GLI2: variants seen among roughly 807,000 people sequenced by gnomAD.
GLI2 encodes the protein transcription activator GLI2.
GLI2 carries 22 observed loss-of-function variants against 78.9 expected under a neutral mutation model. The observed-to-expected ratio is 0.28, with a 90% CI of 0.20 to 0.40. The LOEUF is 0.40. Ranked by LOEUF, GLI2 falls within the 10% of genes least tolerant of loss-of-function variation. The pLI is 1.00. For missense variants in GLI2, 2,097 were observed against 2,213.2 expected (o/e 0.95, Z 1.05); for synonymous variants, 974 against 963.7 (o/e 1.01, Z -0.20).
intron 2 of GLI2, among the ~76,000 whole-genome samples, chr2:120,835,676 G>T (rs1442809097): frequency 1.3e-5 from 2 of 152,098 alleles, no homozygotes; most frequent in African/African-American, 4.8e-5. Context: ...GTGAGCCACC[G>T]CATCGGCCCA....
intron 2 of GLI2, among the ~76,000 whole-genome samples, chr2:120,846,136 G>A (rs906055276): frequency 3.3e-5 from 5 of 152,164 alleles, no homozygotes; most frequent in African/African-American, 1.2e-4. Context: ...GATCTCCCCC[G>A]TCAGTCATTC....
In GLI2 at chr2:120,989,312, C is replaced by A; in HGVS notation, c.3347C>A (p.Ala1116Glu). Residue 1116 changes from alanine (A) to glutamate (E), a missense_variant, in exon 14 of 14, where the codon GCG becomes GAG. By Grantham distance (107) the Ala-to-Glu change is moderately radical (BLOSUM62 -1). This residue lies in a region of GLI2 where 1,290 missense variants were observed against 1,261.7 expected (regional missense o/e 1.02). Coordinates refer to ENST00000361492, the MANE Select transcript of GLI2 (RefSeq NM_001374353.1). The part of the protein sequence containing the change: ...MLGGCQLGFG[A>E]PSSLNKNNMP... Reference sequence around the variant, plus strand: ...GGAGGATGCCAGTTAGGCTTTGGGGCGCCCTCCAGCCTGAACAAAAATAAC... The same window carrying A: ...GGAGGATGCCAGTTAGGCTTTGGGGAGCCCTCCAGCCTGAACAAAAATAAC... 2 of 1,613,054 alleles carry A rather than the reference C, an allele frequency of 1.2e-6. No individual in the cohort carries two copies. The highest frequency in any genetic ancestry group is 1.7e-6 in the Non-Finnish European group (2 of 1,180,012).
chr2:120,823,785 C>T (rs938008332), intron 2 of GLI2, among the ~76,000 whole-genome samples: 6 of 152,118 alleles, frequency 3.9e-5, no homozygotes, highest in African/African-American at 1.2e-4. Context: ...GTGGCATGTG[C>T]GGAAGTGAAG....
intron 2 of GLI2, among the ~76,000 whole-genome samples, chr2:120,865,743 T>C (rs539378386): frequency 4.1e-4 from 62 of 152,332 alleles, no homozygotes; most frequent in African/African-American, 1.4e-3. Flanking sequence ...CTGACTCATC[T>C]CAAGGGCTGC....
intron 1 of GLI2, among the ~76,000 whole-genome samples, chr2:120,751,525 A>ATC (rs1682873673): frequency 6.6e-6 from 1 of 152,224 alleles, no homozygotes; most frequent in Non-Finnish European, 1.5e-5. Flanking sequence ...GCTTATATAT[A>ATC]AATACTCTGA....
At chr2:120,760,589 G>T (rs1353904796) in intron 1 of GLI2, among the ~76,000 whole-genome samples, 1 of 152,160 alleles carries the variant, frequency 6.6e-6, no homozygotes, top group Admixed American at 6.5e-5. Flanking sequence ...TGAGCTCCTT[G>T]GTCATTTGTC....
intron 1 of GLI2, among the ~76,000 whole-genome samples, chr2:120,788,461 G>A (rs781198105): frequency 2.6e-5 from 4 of 152,214 alleles, no homozygotes; most frequent in African/African-American, 4.8e-5. Flanking sequence ...GGAAACAAAC[G>A]AAGTCTTGAG....
intron 2 of GLI2, among the ~76,000 whole-genome samples, chr2:120,828,198 C>T (rs1034347551): frequency 3.9e-5 from 6 of 152,198 alleles, no homozygotes; most frequent in Non-Finnish European, 7.3e-5. Flanking sequence ...GTTCAGTGCC[C>T]TCTTTATGCA....
chr2:120,989,091 C>A lies in GLI2; in HGVS notation c.3126C>A (p.Asp1042Glu), dbSNP rs767644818. The A allele has an allele frequency of 6.2e-7, 1 of 1,612,366 alleles. No individual in the cohort carries two copies. The highest frequency in any genetic ancestry group is 8.5e-7 in the Non-Finnish European group (1 of 1,179,892). The change falls in exon 14 of 14, where the codon GAC becomes GAA. Residue 1042 changes from aspartate to glutamate, a missense_variant. By Grantham distance (45) the Asp-to-Glu change is conservative. Transcript: ENST00000361492. ...CCGACCTGGGGCTGCCGGAGGACGA[C>A]CTGGTGCTTCCAGACGACGTGGTGC... is the stretch of plus-strand genomic sequence containing the variant. ...PEADLGLPED[D>E]LVLPDDVVQY...
intron 3 of GLI2, among the ~76,000 whole-genome samples, chr2:120,928,773 T>A (rs1314309860): frequency 1.3e-5 from 2 of 152,232 alleles, no homozygotes; most frequent in Non-Finnish European, 2.9e-5. Context: ...TTTAAATATT[T>A]TACTCTGAAA....
chr2:120,927,371 T>C lies in GLI2; in HGVS notation c.159T>C (p.His53=). The part of the protein sequence containing the change: ...AAVAAQGVPQ[H]LLPPFHAPLP... ...TCTCCCCCTCTGCAGTGCCGCAGCA[T>C]CTCTTGCCACCATTCCATGCGCCCC... Residue 53 remains histidine (H), a synonymous_variant, in exon 3 of 14, where the codon CAT becomes CAC. Coordinates refer to ENST00000361492, the MANE Select transcript of GLI2 (RefSeq NM_001374353.1). 1 of 1,612,968 alleles carries C rather than the reference T, an allele frequency of 6.2e-7. No homozygotes were observed. The highest frequency in any genetic ancestry group is 1.7e-5 in the Admixed American group (1 of 60,026).
At chr2:120,863,046 C>A (rs1411046467) in intron 2 of GLI2, among the ~76,000 whole-genome samples, 1 of 152,196 alleles carries the variant, frequency 6.6e-6, no homozygotes, top group African/African-American at 2.4e-5. Flanking sequence ...GCTTCATAGG[C>A]CTGCAAGGTG....
intron 2 of GLI2, among the ~76,000 whole-genome samples, chr2:120,866,087 T>C (rs962569198): frequency 6.6e-6 from 1 of 152,252 alleles, no homozygotes; most frequent in Non-Finnish European, 1.5e-5. Context: ...AGCTGATTTC[T>C]TGGCTTAAGA....
chr2:120,883,852 G>A (rs1677270337), intron 2 of GLI2, among the ~76,000 whole-genome samples: 1 of 152,182 alleles, frequency 6.6e-6, no homozygotes, highest in South Asian at 2.1e-4. Context: ...GTAGAAGAAA[G>A]CCGCTAGATC....
chr2:120,955,715 C>T (rs1322090980), intron 5 of GLI2, among the ~76,000 whole-genome samples: 1 of 152,022 alleles, frequency 6.6e-6, no homozygotes, highest in South Asian at 2.1e-4. Flanking sequence ...CTAGGAATTA[C>T]GTATGAAAGT....
chr2:120,872,205 G>C (rs10168536), intron 2 of GLI2, among the ~76,000 whole-genome samples: 1 of 152,232 alleles, frequency 6.6e-6, no homozygotes, highest in Non-Finnish European at 1.5e-5. Context: ...AGGTGAGGTG[G>C]TAGATGTTTC....
At chr2:120,890,983 C>G (rs1253238798) in intron 2 of GLI2, among the ~76,000 whole-genome samples, 1 of 152,214 alleles carries the variant, frequency 6.6e-6, no homozygotes, top group Non-Finnish European at 1.5e-5. Context: ...CTAATGCCTT[C>G]CCAGGACTGT....
chr2:120,927,316 AG>A (rs2104869120), intron 2 of GLI2, 44 bp from the exon 3 acceptor site: 1 of 1,350,314 alleles, frequency 7.4e-7, no homozygotes, highest in African/African-American at 1.4e-5. Context: ...TTTTTGAGGG[AG>A]GGGGAAAGTT....
At chr2:120,782,166 A>C (rs1573372937) in intron 1 of GLI2, among the ~76,000 whole-genome samples, 1 of 152,312 alleles carries the variant, frequency 6.6e-6, no homozygotes, top group East Asian at 1.9e-4. Context: ...CCCGTTAAAC[A>C]TGTGGGGTGT....
Sources: gnomAD v4.1 joint callset for allele counts (sites outside exome capture counted in the v4.1 genomes callset) on GRCh38, gnomAD v4.1.1 for gene constraint, gnomAD v4.1.1 regional missense constraint, MANE v1.5 for transcripts, NCBI Gene and HGNC (gene_info 2026-07-23, HGNC 2026-07-21) for gene names.